Variants in DCAF6 observed in about 807,000 individuals in gnomAD.
DCAF6 encodes DDB1 and CUL4 associated factor 6, also known as DDB1- and CUL4-associated factor 6.
DCAF6 carries 54 observed loss-of-function variants against 125.1 expected under a neutral mutation model. The ratio of observed to expected loss-of-function variants is 0.43; its 90% confidence interval spans 0.35 to 0.54. DCAF6 has a LOEUF of 0.54. Ranked by LOEUF, DCAF6 falls within the 20% of genes least tolerant of loss-of-function variation. DCAF6 has a pLI of 0.01. For missense variants in DCAF6, 934 were observed against 1,161.7 expected, an observed-to-expected ratio of 0.80 and a Z score of 2.85; for synonymous variants, 371 against 390.4, an observed-to-expected ratio of 0.95 and a Z score of 0.58.
the DCAF6 span, chr1:167,896,671 G>C: frequency 6.2e-7 from 1 of 1,612,610 alleles, no homozygotes. Flanking sequence ...TAAAATTGGG[G>C]GGTGGTTTTA....
chr1:167,904,624 G>A, the DCAF6 span: 2 of 529,780 alleles, frequency 3.8e-6, no homozygotes, highest in African/African-American at 3.8e-5. Flanking sequence ...GAGGTGGCAA[G>A]TTTATTAGTA....
chr1:167,894,459 A>C, the DCAF6 span, among the ~76,000 whole-genome samples: 1 of 152,048 alleles, frequency 6.6e-6, no homozygotes, highest in Admixed American at 6.6e-5. Context: ...GTTGAGCTTC[A>C]TGATCTCTGT....
chr1:167,906,851 A>G, the DCAF6 span, among the ~76,000 whole-genome samples: 1 of 152,162 alleles, frequency 6.6e-6, no homozygotes, highest in South Asian at 2.1e-4. Context: ...AGAATGAAAG[A>G]CTTACAAAAA....
intron 17 of DCAF6, chr1:168,055,852 C>CTT: frequency 8.1e-7 from 1 of 1,238,560 alleles, no homozygotes. Flanking sequence ...TTTAAGACAA[C>CTT]TCTGCTGGCT....
At position 167,936,999 on chromosome 1, in the gene DCAF6, C is replaced by A. The variant is rs758545042; in HGVS notation, c.88C>A (p.Arg30Ser). 27 of 1,609,368 alleles carry A rather than the reference C, an allele frequency of 1.7e-5. No individual in the cohort carries two copies. Among genetic ancestry groups the A allele is most frequent in the Non-Finnish European group, 2.2e-5 (26 of 1,178,602 alleles). Residue 30 changes from arginine (R) to serine (S), a missense_variant, in exon 1 of 22, where the codon CGC becomes AGC. Physicochemically the swap from Arg to Ser is moderately radical, Grantham distance 110. This residue lies in a region of DCAF6 where 309 missense variants were observed against 381.2 expected (regional missense o/e 0.81). Transcript: ENST00000367840. ...GGAGGACCCGTCCCGGCTGCGGAGT[C>A]GCTACCTGGGTGAGCGGGGGCCCCG... ...GLEDPSRLRS[R>S]YLGRREFIQR...
chr1:168,052,159 C>T (rs1345723704), intron 17 of DCAF6, among the ~76,000 whole-genome samples: 4 of 152,202 alleles, frequency 2.6e-5, no homozygotes, highest in Non-Finnish European at 5.9e-5. Flanking sequence ...GCTGGGATTA[C>T]AGGCTTGAGC....
chr1:168,009,063 A>G (rs1053059081), intron 10 of DCAF6, among the ~76,000 whole-genome samples: 3 of 143,898 alleles, frequency 2.1e-5, no homozygotes, highest in African/African-American at 7.8e-5. Context: ...CAGTGGCGTG[A>G]TCTCGGCTCA....
the DCAF6 span, chr1:167,878,498 C>T: frequency 8.1e-6 from 13 of 1,614,050 alleles, no homozygotes; most frequent in Non-Finnish European, 1.1e-5. Flanking sequence ...TCTGCAACAC[C>T]TTTCATAACT....
intron 16 of DCAF6, among the ~76,000 whole-genome samples, chr1:168,048,295 G>T (rs1689391633): frequency 6.6e-6 from 1 of 152,142 alleles, no homozygotes; most frequent in South Asian, 2.1e-4. Flanking sequence ...TTTAGCTGGG[G>T]TAGAGAAGTG....
chr1:168,071,393 C>T (rs1692998998), intron 21 of DCAF6, among the ~76,000 whole-genome samples: 1 of 152,000 alleles, frequency 6.6e-6, no homozygotes, highest in African/African-American at 2.4e-5. Flanking sequence ...CACCTGAGGT[C>T]AGGAATTCAA....
chr1:168,022,052 C>T (rs1281870570), intron 11 of DCAF6, among the ~76,000 whole-genome samples: 1 of 152,062 alleles, frequency 6.6e-6, no homozygotes, highest in Non-Finnish European at 1.5e-5. Flanking sequence ...TCCCCAGTGT[C>T]TTGCTTAGGT....
chr1:167,948,674 T>C (rs1314101278), intron 1 of DCAF6, among the ~76,000 whole-genome samples: 1 of 152,084 alleles, frequency 6.6e-6, no homozygotes, highest in Non-Finnish European at 1.5e-5. Context: ...TTTTTTGAGG[T>C]GGAGTCTCAC....
At chr1:167,934,215 C>T (rs2102562950), upstream of DCAF6, among the ~76,000 whole-genome samples, 1 of 152,220 alleles carries the variant, frequency 6.6e-6, no homozygotes, top group Non-Finnish European at 1.5e-5. Context: ...AAACTAAAGG[C>T]TTGGAAAGGA....
chr1:167,895,180 C>CA, the DCAF6 span, among the ~76,000 whole-genome samples: 2,256 of 67,362 alleles, frequency 0.033, 48 homozygotes, highest in African/African-American at 0.08. Flanking sequence ...GACTCCATCT[C>CA]AAAAAAAAAA....
At chr1:167,985,330 C>A (rs971148304) in intron 4 of DCAF6, among the ~76,000 whole-genome samples, 1 of 152,092 alleles carries the variant, frequency 6.6e-6, no homozygotes, top group Non-Finnish European at 1.5e-5. Context: ...GGGCTAAAAT[C>A]GAAGTGTTGG....
intron 1 of DCAF6, among the ~76,000 whole-genome samples, chr1:167,941,001 G>A (rs1672152468): frequency 6.6e-6 from 1 of 151,866 alleles, no homozygotes; most frequent in Non-Finnish European, 1.5e-5. Context: ...TTTGCGTGTC[G>A]ATTACTCTTT....
intron 7 of DCAF6, among the ~76,000 whole-genome samples, chr1:168,000,001 C>T (rs993027150): frequency 4.6e-5 from 7 of 152,102 alleles, no homozygotes; most frequent in Non-Finnish European, 8.8e-5. Context: ...TTAGCTTAAT[C>T]GTTTCTAGCT....
chr1:168,052,173 C>A (rs559762198), intron 17 of DCAF6, among the ~76,000 whole-genome samples: 1 of 152,142 alleles, frequency 6.6e-6, no homozygotes, highest in East Asian at 1.9e-4. Context: ...CTTGAGCCAC[C>A]GCATCTGGCC....
At chr1:167,988,589 A>G (rs1680355691) in intron 5 of DCAF6, among the ~76,000 whole-genome samples, 1 of 152,154 alleles carries the variant, frequency 6.6e-6, no homozygotes, top group South Asian at 2.1e-4. Context: ...TTTTCCTTGG[A>G]TCATTTTGAA....
Sources: gnomAD v4.1 joint callset for allele counts (sites outside exome capture counted in the v4.1 genomes callset) on GRCh38, gnomAD v4.1.1 for gene constraint, gnomAD v4.1.1 regional missense constraint, MANE v1.5 for transcripts, NCBI Gene and HGNC (gene_info 2026-07-23, HGNC 2026-07-21) for gene names.